Variants in AZIN2 observed in about 807,000 individuals in gnomAD.
AZIN2 encodes the protein antizyme inhibitor 2.
In AZIN2, 28 loss-of-function variants were observed where a neutral mutation model predicts 47.8. That is an observed-to-expected ratio of 0.59 (90% CI 0.43 to 0.80). AZIN2 has a LOEUF of 0.80. Ranked by LOEUF, AZIN2 falls within the 30% of genes least tolerant of loss-of-function variation. The probability of loss-of-function intolerance (pLI) is 0.00; values close to 1 mark genes in which losing one functional copy is unlikely to be tolerated. For missense variants in AZIN2, 535 were observed against 582.5 expected (o/e 0.92, Z 0.84); for synonymous variants, 221 against 239.4 (o/e 0.92, Z 0.71).
intron 8 of AZIN2, 33 bp downstream of exon 8, chr1:33,094,746 T>G: frequency 6.2e-7 from 1 of 1,610,478 alleles, no homozygotes; most frequent in Non-Finnish European, 8.5e-7. Flanking sequence ...CATGCTGGGC[T>G]CTATGGCGGG....
chr1:33,147,107 T>C, the AZIN2 span: 2 of 1,543,710 alleles, frequency 1.3e-6, no homozygotes, highest in Non-Finnish European at 1.8e-6. This position sits in a 1 kb window ranked among gnomAD's most constrained non-coding sequence, Gnocchi z 8.1. Context: ...AGTCCAGGTC[T>C]TCTATCTCCT....
At chr1:33,105,888 A>G (rs1454780362) in intron 10 of AZIN2, among the ~76,000 whole-genome samples, 1 of 152,216 alleles carries the variant, frequency 6.6e-6, no homozygotes, top group Non-Finnish European at 1.5e-5. Context: ...CAGTTACCCC[A>G]GTCCATGAAG....
At chr1:33,086,673 C>T (rs766467168) in intron 5 of AZIN2, among the ~76,000 whole-genome samples, 1 of 152,244 alleles carries the variant, frequency 6.6e-6, no homozygotes, top group Non-Finnish European at 1.5e-5. Flanking sequence ...CCACAGCTTG[C>T]TCGGGGACTC....
the AZIN2 span, among the ~76,000 whole-genome samples, chr1:33,144,188 G>A: frequency 6.6e-6 from 1 of 151,496 alleles, no homozygotes; most frequent in African/African-American, 2.4e-5. Context: ...CCAGGCTGGA[G>A]TGCAATGGCG....
chr1:33,120,038 C>T lies in AZIN2; in HGVS notation c.1245-6C>T, dbSNP rs1644747781. The stretch of plus-strand genomic sequence containing the variant: ...GCTACTTGCAGCACCCCTCTCTCAC[C>T]CCTAGGGAAGCGCTGCGAAGGCAGC... On this transcript the variant is annotated splice_region_variant and splice_polypyrimidine_tract_variant and intron_variant, in intron 11 of 11. Coordinates refer to ENST00000294517, the MANE Select transcript of AZIN2 (RefSeq NM_052998.4). 2 of 1,613,542 alleles carry T rather than the reference C, an allele frequency of 1.2e-6. No homozygotes were observed. The highest frequency in any genetic ancestry group is 1.7e-6 in the Non-Finnish European group (2 of 1,179,940).
chr1:33,144,470 G>A, the AZIN2 span, among the ~76,000 whole-genome samples: 93 of 152,342 alleles, frequency 6.1e-4, no homozygotes, highest in East Asian at 0.017. Context: ...AGTGTGATGT[G>A]ATTTTGCGTG....
chr1:33,161,509 G>A, the AZIN2 span, among the ~76,000 whole-genome samples: 3 of 152,146 alleles, frequency 2.0e-5, no homozygotes, highest in Non-Finnish European at 2.9e-5. This position sits in a 1 kb window ranked among gnomAD's most constrained non-coding sequence, Gnocchi z 4.3. Flanking sequence ...TCCCCGACGC[G>A]CGGCTGCTGG....
chr1:33,147,822 G>A, the AZIN2 span: 6 of 1,404,746 alleles, frequency 4.3e-6, no homozygotes, highest in East Asian at 2.3e-5. The surrounding 1 kb of genome is among the most constrained non-coding windows in gnomAD (Gnocchi z 8.1). Flanking sequence ...TGGTTGGTAC[G>A]CAGGAGGCCT....
At chr1:33,087,994 T>G (rs934228059) in intron 5 of AZIN2, among the ~76,000 whole-genome samples, 2 of 152,128 alleles carry the variant, frequency 1.3e-5, no homozygotes, top group African/African-American at 4.8e-5. Flanking sequence ...CCTCTGCAGG[T>G]CCCGGGTACC....
chr1:33,093,265 A>G lies in AZIN2; in HGVS notation c.453-17A>G, dbSNP rs1025573869. On this transcript the variant is annotated splice_polypyrimidine_tract_variant and intron_variant, in intron 6 of 11. Coordinates refer to ENST00000294517, the MANE Select transcript of AZIN2 (RefSeq NM_052998.4). Reference sequence around the variant, plus strand: ...GACAGGGTTTGTCCAGCAGAGGGGCACTGCGTGTCTCATCAGGATGGTTCT... The same window carrying G: ...GACAGGGTTTGTCCAGCAGAGGGGCGCTGCGTGTCTCATCAGGATGGTTCT... The G allele has an allele frequency of 8.7e-6, 14 of 1,613,342 alleles. No homozygotes were observed. The highest frequency in any genetic ancestry group is 1.1e-5 in the Non-Finnish European group (13 of 1,179,568).
intron 10 of AZIN2, among the ~76,000 whole-genome samples, chr1:33,110,397 C>T (rs1039943888): frequency 3.9e-5 from 6 of 152,152 alleles, no homozygotes; most frequent in Non-Finnish European, 7.3e-5. Context: ...TGAGGAAGAA[C>T]CGCAAAAGCA....
At chr1:33,105,170 T>A (rs1643936486) in intron 10 of AZIN2, among the ~76,000 whole-genome samples, 1 of 152,220 alleles carries the variant, frequency 6.6e-6, no homozygotes, top group Admixed American at 6.5e-5. Flanking sequence ...CCAAAATCTC[T>A]AATTTACAAT....
At position 33,082,166 on chromosome 1, in the gene AZIN2, C is replaced by T. The variant is rs1641341111; in HGVS notation, c.-72-12C>T. On this transcript the variant is annotated splice_polypyrimidine_tract_variant and intron_variant, in intron 3 of 11. Coordinates refer to ENST00000294517, the MANE Select transcript of AZIN2 (RefSeq NM_052998.4). The stretch of plus-strand genomic sequence containing the variant: ...CCCCCAGCGGTTCCCTTCATCTCCC[C>T]TCGCCCCGCAGTGTGTTGCATACTT... 2 of 1,183,392 alleles carry T rather than the reference C, an allele frequency of 1.7e-6. No homozygotes were observed. Among genetic ancestry groups the T allele is most frequent in the Non-Finnish European group, 2.5e-6 (2 of 811,906 alleles). The allele number at this position is 1,183,392 out of a possible 1,614,324, so 73.3% of individuals were successfully genotyped here. A position where few individuals can be genotyped will look rare whatever the true frequency, so the allele number is the denominator to read the frequency against.
At chr1:33,127,202 G>A (rs761354685), downstream of AZIN2, among the ~76,000 whole-genome samples, 64 of 152,246 alleles carry the variant, frequency 4.2e-4, no homozygotes, top group African/African-American at 5.8e-4. Flanking sequence ...GAGACTCTCA[G>A]AAGTGGAAAC....
chr1:33,086,007 G>A (rs1329787760), intron 5 of AZIN2, among the ~76,000 whole-genome samples: 1 of 152,174 alleles, frequency 6.6e-6, no homozygotes, highest in Non-Finnish European at 1.5e-5. Context: ...ACTGCCTAGA[G>A]TTTTCTGCTT....
chr1:33,109,756 C>T (rs1374314113), intron 10 of AZIN2, among the ~76,000 whole-genome samples: 1 of 151,554 alleles, frequency 6.6e-6, no homozygotes, highest in African/African-American at 2.4e-5. Flanking sequence ...TGCTTATTAC[C>T]TTCTAACATA....
chr1:33,156,682 G>A, the AZIN2 span, among the ~76,000 whole-genome samples: 3 of 152,130 alleles, frequency 2.0e-5, no homozygotes, highest in African/African-American at 4.8e-5. Flanking sequence ...CTGTCCATAT[G>A]CTAATGATGC....
At chr1:33,099,040 C>T (rs1643442266) in intron 10 of AZIN2, among the ~76,000 whole-genome samples, 1 of 151,904 alleles carries the variant, frequency 6.6e-6, no homozygotes, top group African/African-American at 2.4e-5. Flanking sequence ...GCTGGGATTA[C>T]AGGCACGAGC....
In AZIN2 at chr1:33,115,427, G is replaced by C. The variant is rs143721503; in HGVS notation, c.1030-2475G>C. On this transcript the variant is annotated intron_variant, in intron 10 of 11. Coordinates refer to ENST00000294517, the MANE Select transcript of AZIN2 (RefSeq NM_052998.4). ...TTCCTTAAAAAAAAAAAAATAGGCT[G>C]GGTGCAGTGGCTCACACCTGCAATC... Among the ~76,000 whole-genome samples, 1,125 of 152,104 alleles carry C rather than the reference G, an allele frequency of 7.4e-3. 54 individuals are homozygous for C. Among genetic ancestry groups the C allele is most frequent in the Admixed American group, 0.061 (938 of 15,286 alleles).
Sources: gnomAD v4.1 joint callset for allele counts (sites outside exome capture counted in the v4.1 genomes callset) on GRCh38, gnomAD v4.1.1 for gene constraint, Gnocchi (gnomAD v3.1) non-coding constraint, MANE v1.5 for transcripts, NCBI Gene and HGNC (gene_info 2026-07-23, HGNC 2026-07-21) for gene names.